Variants in SMOC2 observed in about 807,000 individuals in gnomAD.
SMOC2 encodes SPARC-related modular calcium-binding protein 2.
A neutral mutation model predicts 61.4 loss-of-function variants in SMOC2; 39 were observed. That is an observed-to-expected ratio of 0.64 (90% CI 0.49 to 0.83). The LOEUF (loss-of-function observed/expected upper bound fraction) is 0.83, where lower values mean the gene tolerates loss of function less well. Among genes scored for constraint, SMOC2 ranks in the 40% least tolerant of loss-of-function variants. SMOC2 has a pLI of 0.00. For missense variants in SMOC2, 556 were observed against 592.9 expected, an observed-to-expected ratio of 0.94 and a Z score of 0.65; for synonymous variants, 247 against 239.9, an observed-to-expected ratio of 1.03 and a Z score of -0.27.
At position 168,544,981 on chromosome 6, in the gene SMOC2, G is replaced by A. The variant is rs773351719; in HGVS notation, c.511+1309G>A. On this transcript the variant is annotated intron_variant, in intron 5 of 12. Coordinates refer to ENST00000356284, the MANE Select transcript of SMOC2 (RefSeq NM_001166412.2). This position sits in a 1 kb window ranked among gnomAD's most constrained non-coding sequence, Gnocchi z 4.1. The stretch of plus-strand genomic sequence containing the variant: ...AAGGAAGATAGCTCATTTTCCAGCC[G>A]AAAAATGATGACAGGCATAATGGGG... Among the ~76,000 whole-genome samples the A allele has an allele frequency of 6.6e-5, 10 of 152,106 alleles. No individual in the cohort carries two copies. In the South Asian group the frequency reaches 1.5e-3, roughly 22 times the overall value.
chr6:168,610,932 T>C (rs59447863), intron 9 of SMOC2, among the ~76,000 whole-genome samples: 38,675 of 151,464 alleles, frequency 0.26, 5,044 homozygotes, highest in Non-Finnish European at 0.27. Flanking sequence ...CCACACCTTC[T>C]TAAACCACAC....
chr6:168,516,556 C>T (rs948948117), intron 2 of SMOC2, among the ~76,000 whole-genome samples: 3 of 152,152 alleles, frequency 2.0e-5, no homozygotes, highest in Admixed American at 1.3e-4. Context: ...CTCTGTGCAT[C>T]CATCTCCGAG....
chr6:168,578,454 TC>T (rs1784854392), intron 7 of SMOC2, among the ~76,000 whole-genome samples: 1 of 152,210 alleles, frequency 6.6e-6, no homozygotes, highest in Admixed American at 6.5e-5. Context: ...CTCTGTCCTT[TC>T]TGCTGTCATT....
rs1787170079 is a variant in SMOC2 at position 168,650,715 on chromosome 6, C to G, written c.942C>G (p.Thr314=). 12 of 1,613,816 alleles carry G rather than the reference C, an allele frequency of 7.4e-6. No homozygotes were observed. The highest frequency in any genetic ancestry group is 1.0e-5 in the Non-Finnish European group (12 of 1,179,972). Residue 314 remains threonine, a synonymous_variant, in exon 10 of 13, where the codon ACC becomes ACG. Transcript: ENST00000356284. Reference sequence around the variant, plus strand: ...GTGCCAAAAAGCATGAGTTTCTGACCAGCGTTCTGGACGCGCTGTCCACGG... The same window carrying G: ...GTGCCAAAAAGCATGAGTTTCTGACGAGCGTTCTGGACGCGCTGTCCACGG... The part of the protein sequence containing the change: ...CPGAKKHEFL[T]SVLDALSTDM...
At position 168,473,449 on chromosome 6, in the gene SMOC2, G is replaced by A. The variant is rs561193689; in HGVS notation, c.84+31995G>A. On this transcript the variant is annotated intron_variant, in intron 1 of 12. Transcript: ENST00000356284. The stretch of plus-strand genomic sequence containing the variant: ...GTCTTACCTGCCACCTGTGTGCCCT[G>A]CGGTGAGCCTGTGAAACGATACTGT... 4.6e-5 allele frequency among the ~76,000 whole-genome samples: 7 copies of A among 152,268 alleles called. No homozygotes were observed. In the South Asian group the frequency reaches 1.5e-3, roughly 32 times the overall value.
rs1787668210 is a variant in SMOC2, at chr6:168,666,575, CTATT to C, written c.*140_*143del. 1.1e-6 allele frequency: 1 copy of C among 952,286 alleles called. No individual in the cohort carries two copies. The highest frequency in any genetic ancestry group is 1.5e-5 in the South Asian group (1 of 65,992). 59.0% of individuals were successfully genotyped at this position (952,286 alleles called of 1,614,324 possible). ...TGTAAATTCACTTTGTAGAAATGAG[CTATT>C]TAAACAGACTGTTTTAATCTGTGAA... On this transcript the variant is annotated 3_prime_UTR_variant, in exon 13 of 13. Transcript: ENST00000356284.
rs866102797 is a variant in SMOC2, at chr6:168,608,190, G to A, written c.858G>A (p.Arg286=). ...AGCCGAAATGTGACAACACGGCCAG[G>A]GCCCACCCAGCCAAAGCCCGGGACC... The part of the protein sequence containing the change: ...YEQPKCDNTA[R]AHPAKARDLY... The change falls in exon 9 of 13, where the codon AGG becomes AGA. Residue 286 remains arginine (R), a synonymous_variant. Coordinates refer to ENST00000356284, the MANE Select transcript of SMOC2 (RefSeq NM_001166412.2). 8 of 1,613,768 alleles carry A rather than the reference G, an allele frequency of 5.0e-6. No homozygotes were observed. The highest frequency in any genetic ancestry group is 6.8e-6 in the Non-Finnish European group (8 of 1,179,940).
At position 168,453,911 on chromosome 6, in the gene SMOC2, CCTCT is replaced by C. The variant is rs1562536992; in HGVS notation, c.84+12464_84+12467del. Reference sequence around the variant, plus strand: ...CTCTATCTCTCTTTCTCTCTGTCTTCCTCTCTCTCTGTCTCTCTGATTCTATCTT... The same window carrying C: ...CTCTATCTCTCTTTCTCTCTGTCTTCCTCTCTGTCTCTCTGATTCTATCTT... On this transcript the variant is annotated intron_variant, in intron 1 of 12. Coordinates refer to ENST00000356284, the MANE Select transcript of SMOC2 (RefSeq NM_001166412.2). This position sits in a 1 kb window ranked among gnomAD's most constrained non-coding sequence, Gnocchi z 4.4. Among the ~76,000 whole-genome samples the C allele has an allele frequency of 6.6e-6, 1 of 150,886 alleles. No individual in the cohort carries two copies. Among genetic ancestry groups the C allele is most frequent in the East Asian group, 2.0e-4 (1 of 5,000 alleles).
intron 7 of SMOC2, among the ~76,000 whole-genome samples, chr6:168,585,329 T>C (rs954295422): frequency 6.6e-6 from 1 of 152,200 alleles, no homozygotes; most frequent in African/African-American, 2.4e-5. Context: ...TGTTCCTGTC[T>C]TTTTTTCGAT....
intron 3 of SMOC2, among the ~76,000 whole-genome samples, chr6:168,527,034 CAG>C (rs1562329003): frequency 6.6e-6 from 1 of 152,186 alleles, no homozygotes; most frequent in African/African-American, 2.4e-5. Flanking sequence ...CTAACTGGCA[CAG>C]GGGCAGAAAG....
At chr6:168,628,250 T>C (rs1190655070) in intron 9 of SMOC2, among the ~76,000 whole-genome samples, 1 of 152,234 alleles carries the variant, frequency 6.6e-6, no homozygotes, top group East Asian at 1.9e-4. Context: ...CGTCGAGACA[T>C]ACACTTTCTT....
At chr6:168,457,494 A>G (rs1781612984) in intron 1 of SMOC2, among the ~76,000 whole-genome samples, 1 of 152,176 alleles carries the variant, frequency 6.6e-6, no homozygotes, top group African/African-American at 2.4e-5. Context: ...AGTAATCACA[A>G]AGTGGCCTGG....
chr6:168,626,524 AG>A (rs1786414372), intron 9 of SMOC2, among the ~76,000 whole-genome samples: 1 of 152,172 alleles, frequency 6.6e-6, no homozygotes, highest in South Asian at 2.1e-4. Context: ...GACAGGCCTG[AG>A]GCACTGGGGT....
intron 7 of SMOC2, among the ~76,000 whole-genome samples, chr6:168,585,111 C>T (rs1430995767): frequency 6.6e-6 from 1 of 152,204 alleles, no homozygotes; most frequent in African/African-American, 2.4e-5. Flanking sequence ...GAGGGCGCCA[C>T]CACACACAGT....
At chr6:168,519,542 G>A (rs60778849) in intron 2 of SMOC2, among the ~76,000 whole-genome samples, 16,648 of 152,162 alleles carry the variant, frequency 0.11, 1,077 homozygotes, top group South Asian at 0.19. Flanking sequence ...CAGGGCCTTC[G>A]GTCTCGTGTG....
Position 168,666,580 on chromosome 6 carries a change from T to A in SMOC2, c.*142T>A. Reference sequence around the variant, plus strand: ...ATTCACTTTGTAGAAATGAGCTATTTAAACAGACTGTTTTAATCTGTGAAA... The same window carrying A: ...ATTCACTTTGTAGAAATGAGCTATTAAAACAGACTGTTTTAATCTGTGAAA... On this transcript the variant is annotated 3_prime_UTR_variant, in exon 13 of 13. Transcript: ENST00000356284. 2 of 900,288 alleles carry A rather than the reference T, an allele frequency of 2.2e-6. No individual in the cohort carries two copies. The highest frequency in any genetic ancestry group is 3.5e-6 in the Non-Finnish European group (2 of 566,478). The allele number at this position is 900,288 out of a possible 1,614,324, so 55.8% of individuals were successfully genotyped here.
intron 7 of SMOC2, among the ~76,000 whole-genome samples, chr6:168,580,986 TG>T (rs1053388946): frequency 2.0e-5 from 3 of 152,226 alleles, no homozygotes; most frequent in Non-Finnish European, 2.9e-5. Context: ...CAAGTATTCT[TG>T]GGAATTAAAG....
chr6:168,526,216 A>T, intron 2 of SMOC2, 130 bp from the exon 3 acceptor site: 1 of 741,378 alleles, frequency 1.3e-6, no homozygotes, highest in Non-Finnish European at 2.3e-6. Context: ...GCTGCCTGTG[A>T]AGCCCTTTCC....
At chr6:168,450,589 A>G (rs1288152998) in intron 1 of SMOC2, among the ~76,000 whole-genome samples, 2 of 152,112 alleles carry the variant, frequency 1.3e-5, no homozygotes, top group East Asian at 3.9e-4. Flanking sequence ...TGTAGACTAA[A>G]TGAGATATTC....
Sources: gnomAD v4.1 joint callset for allele counts (sites outside exome capture counted in the v4.1 genomes callset) on GRCh38, gnomAD v4.1.1 for gene constraint, Gnocchi (gnomAD v3.1) non-coding constraint, MANE v1.5 for transcripts, NCBI Gene and HGNC (gene_info 2026-07-23, HGNC 2026-07-21) for gene names.